IDO2: variants seen among roughly 807,000 people sequenced by gnomAD.
The protein encoded by IDO2 is indoleamine 2,3-dioxygenase-like 1 protein.
Under a neutral mutation model 45.1 loss-of-function variants are expected in IDO2, and 46 were observed. That is an observed-to-expected ratio of 1.02 (90% CI 0.80 to 1.30). IDO2 has a LOEUF of 1.30. Ranked by LOEUF, IDO2 falls within the 50% of genes most tolerant of loss-of-function variation. IDO2 has a pLI of 0.00. For synonymous variants in IDO2, 218 were observed against 184.9 expected, an observed-to-expected ratio of 1.18 and a Z score of -1.45; for missense variants, 544 against 491.8, an observed-to-expected ratio of 1.11 and a Z score of -1.00.
intron 10 of IDO2, among the ~76,000 whole-genome samples, chr8:40,014,702 T>C (rs1169339098): frequency 6.6e-6 from 1 of 152,248 alleles, no homozygotes; most frequent in African/African-American, 2.4e-5. Flanking sequence ...GTTCCAACTC[T>C]GTCATCTGAG....
chr8:40,003,347 G>A (rs1802168622), intron 8 of IDO2, among the ~76,000 whole-genome samples: 1 of 142,872 alleles, frequency 7.0e-6, no homozygotes, highest in African/African-American at 2.6e-5. Context: ...TCCAGCCTGG[G>A]TGAAGAGCGA....
intron 8 of IDO2, among the ~76,000 whole-genome samples, chr8:40,001,544 A>G (rs1295768048): frequency 6.6e-6 from 1 of 151,674 alleles, no homozygotes; most frequent in African/African-American, 2.4e-5. Context: ...CACTGCGCCC[A>G]GCCATCTTTC....
At chr8:39,989,354 T>C (rs1442940123) in intron 7 of IDO2, among the ~76,000 whole-genome samples, 1 of 152,008 alleles carries the variant, frequency 6.6e-6, no homozygotes, top group East Asian at 2.0e-4. Flanking sequence ...TCAACACAGA[T>C]TTAAATCTGA....
exon 10 of IDO2, chr8:40,013,577 C>G (rs774492001): frequency 2.9e-5 from 47 of 1,613,048 alleles, no homozygotes; most frequent in Non-Finnish European, 3.7e-5. Flanking sequence ...GGAAAGACAA[C>G]CCAGCAATGC....
chr8:39,997,745 T>C (rs1432377684), intron 8 of IDO2: 1 of 152,862 alleles, frequency 6.5e-6, no homozygotes, highest in African/African-American at 2.4e-5. Flanking sequence ...GGAAGTTACA[T>C]TACAGCTACT....
intron 4 of IDO2, among the ~76,000 whole-genome samples, chr8:39,982,016 T>A (rs892695483): frequency 2.6e-5 from 4 of 152,194 alleles, no homozygotes; most frequent in Non-Finnish European, 1.5e-5. Flanking sequence ...CCCCACAGGC[T>A]GAGGCAGTCT....
intron 3 of IDO2, among the ~76,000 whole-genome samples, chr8:39,964,022 T>C (rs1808042866): frequency 6.6e-6 from 1 of 152,206 alleles, no homozygotes; most frequent in South Asian, 2.1e-4. Flanking sequence ...GAAGGTCAGC[T>C]TGGAAATTCT....
rs1808030430 is a variant in IDO2, at chr8:39,963,504, A to G, written c.100-104A>G. ...GCATTCTCAATGTTCGTTCAACTGC[A>G]TTGACTTGAATTCCCCTGAAGACTG... is the stretch of plus-strand genomic sequence containing the variant. On this transcript the variant is annotated intron_variant, in intron 2 of 10. Coordinates refer to ENST00000502986, the Ensembl canonical transcript of IDO2. 4.5e-6 allele frequency: 3 copies of G among 665,840 alleles called. No homozygotes were observed. In the East Asian group the frequency reaches 8.2e-5, roughly 18 times the overall value. 41.2% of individuals were successfully genotyped at this position (665,840 alleles called of 1,614,324 possible). A position where few individuals can be genotyped will look rare whatever the true frequency, so the allele number is the denominator to read the frequency against.
At chr8:39,955,882 T>A (rs1002081152) in intron 2 of IDO2, among the ~76,000 whole-genome samples, 1 of 152,198 alleles carries the variant, frequency 6.6e-6, no homozygotes, top group African/African-American at 2.4e-5. Flanking sequence ...AACGTAACCA[T>A]AGCAATGCTC....
At chr8:39,941,028 C>A (rs1807634306) in intron 1 of IDO2, among the ~76,000 whole-genome samples, 1 of 151,184 alleles carries the variant, frequency 6.6e-6, no homozygotes, top group African/African-American at 2.4e-5. Context: ...CCAGACCAGC[C>A]TGGCCAACAT....
At chr8:39,961,470 G>T (rs1171028658) in intron 2 of IDO2, among the ~76,000 whole-genome samples, 4 of 151,748 alleles carry the variant, frequency 2.6e-5, no homozygotes, top group Admixed American at 6.6e-5. Context: ...TTACAGGCAT[G>T]TGCCAACACG....
intron 2 of IDO2, among the ~76,000 whole-genome samples, chr8:39,950,608 C>T (rs1282561551): frequency 5.3e-5 from 8 of 152,204 alleles, no homozygotes; most frequent in Non-Finnish European, 8.8e-5. Flanking sequence ...TGTCCAGCCA[C>T]GAGAGCACAC....
At chr8:39,951,365 G>A (rs1807812826) in intron 2 of IDO2, among the ~76,000 whole-genome samples, 1 of 148,534 alleles carries the variant, frequency 6.7e-6, no homozygotes, top group Non-Finnish European at 1.5e-5. Flanking sequence ...GGACCGGACT[G>A]TTTCCTCTGA....
At chr8:39,943,779 A>G (rs577459952) in intron 1 of IDO2, among the ~76,000 whole-genome samples, 14 of 151,672 alleles carry the variant, frequency 9.2e-5, no homozygotes, top group African/African-American at 3.4e-4. Flanking sequence ...AGCTAACATC[A>G]TACTGAATGG....
At chr8:40,002,728 C>T (rs562779373) in intron 8 of IDO2, among the ~76,000 whole-genome samples, 4 of 151,960 alleles carry the variant, frequency 2.6e-5, no homozygotes, top group Admixed American at 6.6e-5. Context: ...TGCAGTGAGC[C>T]GCGATCATGC....
chr8:39,995,190 T>TCC (rs1234422376), intron 8 of IDO2: 138 of 79,862 alleles, frequency 1.7e-3, no homozygotes, highest in Middle Eastern at 0.013. Flanking sequence ...CTTCTTCTTC[T>TCC]TCTTCTTCTT....
intron 3 of IDO2, among the ~76,000 whole-genome samples, chr8:39,967,933 G>C (rs1363846577): frequency 6.6e-6 from 1 of 152,100 alleles, no homozygotes; most frequent in East Asian, 1.9e-4. Flanking sequence ...AAACTAGCTT[G>C]GCAGATTCTT....
At chr8:39,988,610 G>C (rs1271329715) in intron 7 of IDO2, among the ~76,000 whole-genome samples, 1 of 152,038 alleles carries the variant, frequency 6.6e-6, no homozygotes, top group South Asian at 2.1e-4. Context: ...GTAGAGACAG[G>C]GTTTCACCAT....
chr8:39,966,384 A>T (rs2129593933), intron 3 of IDO2, among the ~76,000 whole-genome samples: 1 of 152,268 alleles, frequency 6.6e-6, no homozygotes, highest in East Asian at 1.9e-4. Context: ...CAGTTTTTAG[A>T]CTTTACCACC....
Sources: gnomAD v4.1 joint callset for allele counts (sites outside exome capture counted in the v4.1 genomes callset) on GRCh38, gnomAD v4.1.1 for gene constraint, MANE v1.5 for transcripts, NCBI Gene and HGNC (gene_info 2026-07-23, HGNC 2026-07-21) for gene names.